The following CENPQ variants were observed in gnomAD, a reference collection of about 807,000 sequenced individuals.
CENPQ encodes chromosome 6 open reading frame 139.
A neutral mutation model predicts 36.6 loss-of-function variants in CENPQ; 27 were observed. The observed-to-expected ratio is 0.74, with a 90% confidence interval of 0.54 to 1.02. The LOEUF (loss-of-function observed/expected upper bound fraction) is 1.02, where lower values mean the gene tolerates loss of function less well. CENPQ is among the 50% of genes least tolerant of loss of function. The pLI is 0.00. For synonymous variants in CENPQ, 101 were observed against 101.7 expected, an observed-to-expected ratio of 0.99 and a Z score of 0.04; for missense variants, 306 against 301.8, an observed-to-expected ratio of 1.01 and a Z score of -0.10.
At chr6:49,476,308 A>C (rs1017016037) in intron 5 of CENPQ, among the ~76,000 whole-genome samples, 1 of 152,228 alleles carries the variant, frequency 6.6e-6, no homozygotes, top group Non-Finnish European at 1.5e-5. Context: ...AACCTGACAA[A>C]AACAAGCAAT....
chr6:49,489,902 G>T (rs1356690196), intron 8 of CENPQ, among the ~76,000 whole-genome samples: 1 of 152,218 alleles, frequency 6.6e-6, no homozygotes, highest in Admixed American at 6.5e-5. Flanking sequence ...GCTCTAAACA[G>T]TTGTACTGTC....
Position 49,492,162 on chromosome 6 carries a change from AT to A in CENPQ, c.696del (p.Pro233GlnfsTer7). ...CCCACAGAAAGAAATTTTGGCGCTA[AT>A]TCCAAACCAGAATGCTCTTCTAAAG... ...PTLQKEILAL[I>X]PNQNALLKDL... On this transcript the variant is annotated frameshift_variant, in exon 9 of 9. Coordinates refer to ENST00000335783, the MANE Select transcript of CENPQ (RefSeq NM_018132.4). LOFTEE classifies it high-confidence loss of function. 6.2e-7 allele frequency: 1 copy of A among 1,600,400 alleles called. No homozygotes were observed. Among genetic ancestry groups the A allele is most frequent in the Non-Finnish European group, 8.5e-7 (1 of 1,176,618 alleles).
At chr6:49,490,138 C>T (rs1768685938) in intron 8 of CENPQ, among the ~76,000 whole-genome samples, 1 of 152,228 alleles carries the variant, frequency 6.6e-6, no homozygotes, top group Admixed American at 6.5e-5. Context: ...CTAGAGATAG[C>T]ATCTTCTTCC....
At chr6:49,475,314 AAC>A (rs945207483) in intron 5 of CENPQ, among the ~76,000 whole-genome samples, 1 of 151,954 alleles carries the variant, frequency 6.6e-6, no homozygotes, top group Admixed American at 6.6e-5. Flanking sequence ...CCAAACCAAA[AAC>A]AAAAACCACA....
At chr6:49,477,575 A>C (rs983573629) in intron 5 of CENPQ, among the ~76,000 whole-genome samples, 1 of 152,140 alleles carries the variant, frequency 6.6e-6, no homozygotes, top group South Asian at 2.1e-4. Flanking sequence ...ATAAAAAAAA[A>C]AAAAAGAAAA....
intron 7 of CENPQ, 49 bp downstream of exon 7, chr6:49,488,520 G>A (rs1167514555): frequency 4.4e-6 from 7 of 1,591,250 alleles, no homozygotes; most frequent in Non-Finnish European, 6.0e-6. Flanking sequence ...ATTTTTAATG[G>A]TTAAATTATG....
intron 1 of CENPQ, among the ~76,000 whole-genome samples, chr6:49,468,061 C>T (rs1245335928): frequency 1.3e-5 from 2 of 152,076 alleles, no homozygotes; most frequent in Non-Finnish European, 2.9e-5. Flanking sequence ...TTACACAGAA[C>T]GTATTGGGGT....
Position 49,475,686 on chromosome 6 carries a change from G to A in CENPQ, c.347+2828G>A, listed in dbSNP as rs1768270047. ...ATATCTAGAAAACCCCATTGTCTCA[G>A]CCCAAAATCTCCTTAAGCTGATAAG... is the stretch of plus-strand genomic sequence containing the variant. On this transcript the variant is annotated intron_variant, in intron 5 of 8. Coordinates refer to ENST00000335783, the MANE Select transcript of CENPQ (RefSeq NM_018132.4). Among the ~76,000 whole-genome samples, 4 of 152,136 alleles carry A rather than the reference G, an allele frequency of 2.6e-5. No homozygotes were observed. In the South Asian group the frequency reaches 8.3e-4, roughly 32 times the overall value.
rs1304470267 is a variant in CENPQ, at chr6:49,472,076, C to A, written c.171C>A (p.His57Gln). 6.2e-7 allele frequency: 1 copy of A among 1,611,972 alleles called. No individual in the cohort carries two copies. Among genetic ancestry groups the A allele is most frequent in the Non-Finnish European group, 8.5e-7 (1 of 1,178,992 alleles). ...KDLSSEGQTK[H>Q]TNLKHGKTAA... The stretch of plus-strand genomic sequence containing the variant: ...TACTAACGACAGGACAAACAAAGCA[C>A]ACTAACCTAAAACACGGAAAGACAG... Residue 57 changes from histidine to glutamine, a missense_variant, in exon 4 of 9, where the codon CAC becomes CAA. Physicochemically the swap from His to Gln is conservative, Grantham distance 24. Coordinates refer to ENST00000335783, the MANE Select transcript of CENPQ (RefSeq NM_018132.4).
intron 6 of CENPQ, among the ~76,000 whole-genome samples, chr6:49,488,130 C>G (rs1324744279): frequency 1.3e-5 from 2 of 152,138 alleles, no homozygotes; most frequent in Non-Finnish European, 2.9e-5. Context: ...CTCCTTATTC[C>G]AGGGAAATTA....
chr6:49,474,222 A>C (rs1320785204), intron 5 of CENPQ, among the ~76,000 whole-genome samples: 5 of 152,070 alleles, frequency 3.3e-5, no homozygotes, highest in African/African-American at 1.2e-4. Context: ...ATATTCTTCT[A>C]AGCACCACAT....
intron 5 of CENPQ, among the ~76,000 whole-genome samples, chr6:49,476,634 G>A (rs1424972360): frequency 6.6e-6 from 1 of 152,130 alleles, no homozygotes; most frequent in African/African-American, 2.4e-5. Flanking sequence ...GAGTGAACAG[G>A]CATCCTACAG....
chr6:49,464,307 TGCTA>T (rs1767944730), intron 1 of CENPQ, among the ~76,000 whole-genome samples: 1 of 152,204 alleles, frequency 6.6e-6, no homozygotes, highest in Admixed American at 6.5e-5. Context: ...AATATTTTAT[TGCTA>T]AAAAATGCTA....
chr6:49,489,684 A>T (rs1051786406), intron 8 of CENPQ, among the ~76,000 whole-genome samples: 3 of 152,268 alleles, frequency 2.0e-5, no homozygotes, highest in Non-Finnish European at 4.4e-5. Context: ...TTAAGTGATA[A>T]GACTTGAAAA....
chr6:49,465,490 T>G (rs1272092948), intron 1 of CENPQ, among the ~76,000 whole-genome samples: 1 of 152,224 alleles, frequency 6.6e-6, no homozygotes, highest in Non-Finnish European at 1.5e-5. Flanking sequence ...CTAGATAGCA[T>G]CTTCCAATAG....
Position 49,477,607 on chromosome 6 carries a change from G to A in CENPQ, c.348-3344G>A, listed in dbSNP as rs6941331. On this transcript the variant is annotated intron_variant, in intron 5 of 8. Coordinates refer to ENST00000335783, the MANE Select transcript of CENPQ (RefSeq NM_018132.4). ...AAAATGTTCTGTTTCTCAGTTTCAAGTTTGCCTAGAAATATTTGTGACCTA... is the reference window on the plus strand; with the variant it reads ...AAAATGTTCTGTTTCTCAGTTTCAAATTTGCCTAGAAATATTTGTGACCTA... Among the ~76,000 whole-genome samples, 1,240 of 151,064 alleles carry A rather than the reference G, an allele frequency of 8.2e-3. 15 individuals are homozygous for A. Among genetic ancestry groups the A allele is most frequent in the African/African-American group, 0.029 (1,175 of 41,198 alleles).
At chr6:49,487,267 A>G (rs1768608853) in intron 6 of CENPQ, among the ~76,000 whole-genome samples, 1 of 145,016 alleles carries the variant, frequency 6.9e-6, no homozygotes, top group South Asian at 2.3e-4. Flanking sequence ...AGAACAGCAC[A>G]TTCCCAGTAA....
rs961935500 is a variant in CENPQ, at chr6:49,492,911, A to C, written c.*636A>C. 1 of 152,606 alleles carries C rather than the reference A, an allele frequency of 6.6e-6. No homozygotes were observed. The highest frequency in any genetic ancestry group is 2.4e-5 in the African/African-American group (1 of 41,442). The allele number at this position is 152,606 out of a possible 1,614,324, so 9.5% of individuals were successfully genotyped here. A position where few individuals can be genotyped will look rare whatever the true frequency, so the allele number is the denominator to read the frequency against. On this transcript the variant is annotated 3_prime_UTR_variant, in exon 9 of 9. Transcript: ENST00000335783. ...TATTCCCAAAAAGTATTAAAAAGGA[A>C]CCTTAGCACATTTATTTTATTAAAA...
At chr6:49,472,890 A>G in intron 5 of CENPQ, 32 bp downstream of exon 5, 1 of 1,292,796 alleles carries the variant, frequency 7.7e-7, no homozygotes, top group Non-Finnish European at 1.0e-6. Context: ...AATGATTAAA[A>G]CATAATTTTT....
Sources: gnomAD v4.1 joint callset for allele counts (sites outside exome capture counted in the v4.1 genomes callset) on GRCh38, gnomAD v4.1.1 for gene constraint, MANE v1.5 for transcripts, NCBI Gene and HGNC (gene_info 2026-07-23, HGNC 2026-07-21) for gene names.